HYCC2: variants seen among roughly 807,000 people sequenced by gnomAD.
HYCC2 encodes the protein hyccin 2.
the HYCC2 span, chr2:201,021,301 A>G: frequency 1.3e-5 from 2 of 153,706 alleles, no homozygotes; most frequent in South Asian, 4.1e-4. Flanking sequence ...GAGACAGGAG[A>G]GAAATTCAGA....
At chr2:201,054,680 C>T in the HYCC2 span, among the ~76,000 whole-genome samples, 5 of 152,088 alleles carry the variant, frequency 3.3e-5, no homozygotes, top group African/African-American at 1.2e-4. Flanking sequence ...AGGATCCATT[C>T]CTTGTATTTC....
the HYCC2 span, among the ~76,000 whole-genome samples, chr2:200,984,196 T>G: frequency 6.6e-6 from 1 of 151,948 alleles, no homozygotes; most frequent in South Asian, 2.1e-4. Flanking sequence ...TCTGCCACCA[T>G]GCTTGGCTAA....
chr2:201,064,056 G>A, the HYCC2 span: 2 of 1,588,330 alleles, frequency 1.3e-6, no homozygotes, highest in Non-Finnish European at 1.7e-6. Context: ...TTTTAATTAG[G>A]AAACAAAGCT....
the HYCC2 span, among the ~76,000 whole-genome samples, chr2:200,984,809 G>A: frequency 1.3e-5 from 2 of 152,208 alleles, no homozygotes; most frequent in African/African-American, 2.4e-5. Flanking sequence ...ACTAAGTCCA[G>A]GAATTCGAGG....
the HYCC2 span, among the ~76,000 whole-genome samples, chr2:201,025,994 G>A: frequency 1.3e-5 from 2 of 152,130 alleles, no homozygotes; most frequent in African/African-American, 4.8e-5. Context: ...TGGGCTAAAT[G>A]CTCCAATTAA....
the HYCC2 span, among the ~76,000 whole-genome samples, chr2:201,055,259 A>T: frequency 1.3e-5 from 2 of 152,016 alleles, no homozygotes; most frequent in Non-Finnish European, 2.9e-5. Context: ...AGTAGTATTA[A>T]ATACATTCAT....
chr2:201,042,010 G>C, the HYCC2 span, among the ~76,000 whole-genome samples: 135 of 151,978 alleles, frequency 8.9e-4, no homozygotes, highest in African/African-American at 3.2e-3. Flanking sequence ...ATGCCGAGCC[G>C]AGGCTGGACT....
chr2:201,010,814 G>T, the HYCC2 span, among the ~76,000 whole-genome samples: 1 of 151,532 alleles, frequency 6.6e-6, no homozygotes, highest in African/African-American at 2.4e-5. Flanking sequence ...AAAAATTAAA[G>T]AATTTTTTAA....
At chr2:200,981,650 G>C in the HYCC2 span, 1 of 1,614,180 alleles carries the variant, frequency 6.2e-7, no homozygotes, top group Admixed American at 1.7e-5. This position sits in a 1 kb window ranked among gnomAD's most constrained non-coding sequence, Gnocchi z 4.5. Context: ...TACTGCTTGC[G>C]AACTACTGAA....
the HYCC2 span, among the ~76,000 whole-genome samples, chr2:201,056,074 G>C: frequency 6.6e-6 from 1 of 152,018 alleles, no homozygotes; most frequent in African/African-American, 2.4e-5. Flanking sequence ...GTAGCCTGTA[G>C]TCCCAGCTAC....
At chr2:201,035,334 C>T in the HYCC2 span, among the ~76,000 whole-genome samples, 7 of 152,108 alleles carry the variant, frequency 4.6e-5, no homozygotes, top group South Asian at 2.1e-4. Context: ...CTTCTCTTTT[C>T]GCTTCATTTC....
At chr2:201,011,421 A>C in the HYCC2 span, 1 of 1,585,540 alleles carries the variant, frequency 6.3e-7, no homozygotes, top group East Asian at 2.3e-5. Context: ...TTGGATAAGG[A>C]GGGGATAGTG....
chr2:201,063,303 T>C, the HYCC2 span: 3 of 1,537,552 alleles, frequency 2.0e-6, no homozygotes, highest in Non-Finnish European at 2.7e-6. Context: ...GAGGCAGCTA[T>C]GAATGCAAGG....
At chr2:200,980,508 A>G in the HYCC2 span, 1 of 152,620 alleles carries the variant, frequency 6.6e-6, no homozygotes, top group African/African-American at 2.4e-5. Context: ...ATGACCTTAT[A>G]TGTCCTTGTG....
the HYCC2 span, chr2:200,992,314 T>C: frequency 6.2e-7 from 1 of 1,611,984 alleles, no homozygotes; most frequent in Non-Finnish European, 8.5e-7. Flanking sequence ...CTAGCTGGGC[T>C]CTATAAATGA....
chr2:201,037,190 A>G, the HYCC2 span, among the ~76,000 whole-genome samples: 1 of 152,232 alleles, frequency 6.6e-6, no homozygotes, highest in Middle Eastern at 3.2e-3. Context: ...CTTACAAGAC[A>G]TGTGAAGGAC....
the HYCC2 span, among the ~76,000 whole-genome samples, chr2:201,050,028 G>A: frequency 1.3e-5 from 2 of 151,690 alleles, no homozygotes; most frequent in Non-Finnish European, 2.9e-5. Flanking sequence ...TTATCTATAG[G>A]TCAAAGAAGA....
the HYCC2 span, among the ~76,000 whole-genome samples, chr2:201,017,842 G>A: frequency 6.6e-6 from 1 of 152,112 alleles, no homozygotes; most frequent in South Asian, 2.1e-4. Context: ...TCATTGTATT[G>A]ATGTCATTGT....
At chr2:201,038,233 T>C in the HYCC2 span, among the ~76,000 whole-genome samples, 10 of 152,090 alleles carry the variant, frequency 6.6e-5, no homozygotes, top group Non-Finnish European at 1.5e-5. Flanking sequence ...CATTACAAAG[T>C]CAGGAAACAA....
Sources: allele counts gnomAD v4.1 joint callset (sites outside exome capture counted in the v4.1 genomes callset), GRCh38; gene constraint gnomAD v4.1.1; non-coding constraint Gnocchi (gnomAD v3.1); transcripts MANE v1.5; gene names NCBI Gene and HGNC (gene_info 2026-07-23, HGNC 2026-07-21).